PSPC1: variants seen among roughly 807,000 people sequenced by gnomAD.
PSPC1 encodes paraspeckle component 1, also known as paraspeckle protein 1.
In PSPC1, 14 loss-of-function variants were observed where a neutral mutation model predicts 51.6. The observed-to-expected ratio is 0.27, with a 90% CI of 0.18 to 0.42. The LOEUF is 0.42. Among genes scored for constraint, PSPC1 ranks in the 10% least tolerant of loss-of-function variants. PSPC1 has a pLI of 1.00. For missense variants in PSPC1, 406 were observed against 701.1 expected, an observed-to-expected ratio of 0.58 and a Z score of 4.75; for synonymous variants, 193 against 231.9, an observed-to-expected ratio of 0.83 and a Z score of 1.53.
chr13:19,777,565 A>T (rs1889295941), intron 1 of PSPC1, among the ~76,000 whole-genome samples: 1 of 152,160 alleles, frequency 6.6e-6, no homozygotes. Flanking sequence ...CTGAATTTTA[A>T]GGAAATTTCC....
chr13:19,698,264 T>C (rs563073758), downstream of PSPC1, among the ~76,000 whole-genome samples: 1 of 151,796 alleles, frequency 6.6e-6, no homozygotes, highest in South Asian at 2.1e-4. Context: ...AATAAAGAGC[T>C]AGAAAAAATT....
Position 19,695,628 on chromosome 13 carries a change from G to T in PSPC1, c.1159-17805C>A, listed in dbSNP as rs183411945. Among the ~76,000 whole-genome samples the T allele has an allele frequency of 2.0e-3, 302 of 152,208 alleles. 2 individuals carry two copies. The highest frequency in any genetic ancestry group is 3.4e-3 in the Non-Finnish European group (231 of 68,020). On this transcript the variant is annotated intron_variant and NMD_transcript_variant, in intron 6 of 7. Transcript: ENST00000471658. ...AGAGCCGTTAAATATGCATGCTGGT[G>T]GGGGAGGGAACCACATTCCAATCAG...
chr13:19,758,084 GT>G (rs1352702784), intron 3 of PSPC1, among the ~76,000 whole-genome samples: 2 of 152,146 alleles, frequency 1.3e-5, no homozygotes, highest in African/African-American at 2.4e-5. Context: ...GGAGGCCGAG[GT>G]GGGTGGATCA....
At chr13:19,777,408 C>T (rs4769071) in intron 1 of PSPC1, among the ~76,000 whole-genome samples, 94,118 of 134,344 alleles carry the variant, frequency 0.7, 34,621 homozygotes, top group East Asian at 0.89. Context: ...CCAGCCTGGG[C>T]GACACAGCAA....
chr13:19,730,982 G>T (rs1340806264), intron 5 of PSPC1, among the ~76,000 whole-genome samples: 1 of 103,382 alleles, frequency 9.7e-6, no homozygotes, highest in Admixed American at 1.0e-4. Context: ...AAAAAAAACA[G>T]AAAAAGTCTG....
At chr13:19,732,566 C>T (rs1205499408) in intron 5 of PSPC1, among the ~76,000 whole-genome samples, 1 of 152,160 alleles carries the variant, frequency 6.6e-6, no homozygotes, top group Non-Finnish European at 1.5e-5. Context: ...TTTCACATAA[C>T]AGGAGTTCAG....
At chr13:19,768,097 T>G (rs1038547137) in intron 2 of PSPC1, among the ~76,000 whole-genome samples, 1 of 151,786 alleles carries the variant, frequency 6.6e-6, no homozygotes, top group Non-Finnish European at 1.5e-5. Flanking sequence ...TGGTGGCACA[T>G]GCCTGTAGTC....
chr13:19,690,791 T>A (rs184793827), intron 6 of PSPC1, among the ~76,000 whole-genome samples: 3 of 152,320 alleles, frequency 2.0e-5, no homozygotes, highest in South Asian at 4.1e-4. Flanking sequence ...ATCTATCCAT[T>A]CCAACTTTCT....
chr13:19,678,653 A>G (rs1876932510), intron 6 of PSPC1: 1 of 152,226 alleles, frequency 6.6e-6, no homozygotes, highest in Non-Finnish European at 1.5e-5. Context: ...ATGTATGCAG[A>G]AACTGTAGAC....
intron 4 of PSPC1, among the ~76,000 whole-genome samples, chr13:19,747,057 G>A (rs981215071): frequency 4.1e-4 from 62 of 152,126 alleles, no homozygotes; most frequent in African/African-American, 1.3e-3. Context: ...GCAGTATGCC[G>A]AGATGGCGCC....
chr13:19,714,672 T>G (rs1184079468), intron 6 of PSPC1, among the ~76,000 whole-genome samples: 2 of 151,992 alleles, frequency 1.3e-5, no homozygotes, highest in Non-Finnish European at 2.9e-5. Context: ...TTTTTGTGTT[T>G]TTTGTAGAAA....
At chr13:19,671,754 T>G, downstream of PSPC1, 1 of 1,298,690 alleles carries the variant, frequency 7.7e-7, no homozygotes, top group Admixed American at 1.8e-5. Context: ...GAAGCAAATC[T>G]TGGCCATTTG....
At chr13:19,752,672 G>A (rs577071645) in intron 3 of PSPC1, among the ~76,000 whole-genome samples, 7 of 151,504 alleles carry the variant, frequency 4.6e-5, no homozygotes, top group East Asian at 3.9e-4. Flanking sequence ...TGCAACCTTC[G>A]CCTCCCGGGT....
intron 3 of PSPC1, among the ~76,000 whole-genome samples, chr13:19,755,133 T>TG (rs1179987197): frequency 2.7e-5 from 4 of 146,706 alleles, no homozygotes; most frequent in African/African-American, 5.1e-5. Flanking sequence ...ACTTGGGGGG[T>TG]GCTGAGGTGG....
Position 19,706,988 on chromosome 13 carries a change from G to A in PSPC1, c.1217-1157C>T, listed in dbSNP as rs140141111. Among the ~76,000 whole-genome samples the A allele has an allele frequency of 2.8e-3, 421 of 152,074 alleles. 3 individuals carry two copies. Among genetic ancestry groups the A allele is most frequent in the Middle Eastern group, 0.02 (6 of 294 alleles). On this transcript the variant is annotated intron_variant, in intron 7 of 8. Transcript: ENST00000338910. ...ACAGACTTTAACCAAGAATATTTCCGCTCCCTCAGTATAGCCCTAAATAGC... is the reference window on the plus strand; with the variant it reads ...ACAGACTTTAACCAAGAATATTTCCACTCCCTCAGTATAGCCCTAAATAGC...
At chr13:19,751,679 T>C (rs146761863) in intron 3 of PSPC1, among the ~76,000 whole-genome samples, 1 of 152,290 alleles carries the variant, frequency 6.6e-6, no homozygotes, top group African/African-American at 2.4e-5. Context: ...ACTTACACAA[T>C]CTGATGCCAC....
chr13:19,671,942 G>A (rs912825042), downstream of PSPC1: 5 of 1,509,136 alleles, frequency 3.3e-6, no homozygotes, highest in African/African-American at 6.9e-5. Context: ...ACAGCAGTTT[G>A]GAATTCTTCT....
chr13:19,724,488 C>A (rs985073293), intron 6 of PSPC1, among the ~76,000 whole-genome samples: 3 of 152,136 alleles, frequency 2.0e-5, no homozygotes, highest in African/African-American at 7.2e-5. Flanking sequence ...AAGAACAGGC[C>A]AGATTGGACA....
In PSPC1 at chr13:19,750,140, G is replaced by C. The variant is rs1355775965; in HGVS notation, c.967+1131C>G. ...AATTTCACCTGCTAAGAAAAATACT[G>C]AATCTAGTACACAGAACGGTTTAAA... is the stretch of plus-strand genomic sequence containing the variant. On this transcript the variant is annotated intron_variant, in intron 4 of 8. Transcript: ENST00000338910. Among the ~76,000 whole-genome samples the C allele has an allele frequency of 2.6e-5, 4 of 152,260 alleles. No individual in the cohort carries two copies. The East Asian group carries it at 7.7e-4, about 29-fold the overall frequency.
Sources: gnomAD v4.1 joint callset for allele counts (sites outside exome capture counted in the v4.1 genomes callset) on GRCh38, gnomAD v4.1.1 for gene constraint, MANE v1.5 for transcripts, NCBI Gene and HGNC (gene_info 2026-07-23, HGNC 2026-07-21) for gene names.